NALF1: variants seen among roughly 807,000 people sequenced by gnomAD.
The protein encoded by NALF1 is family with sequence similarity 155 member A.
In NALF1, 3 loss-of-function variants were observed where a neutral mutation model predicts 48.4. The observed-to-expected ratio is 0.06, with a 90% CI of 0.03 to 0.16. The LOEUF (loss-of-function observed/expected upper bound fraction) is 0.16, where lower values mean the gene tolerates loss of function less well. Ranked by LOEUF, NALF1 falls within the 10% of genes least tolerant of loss-of-function variation. The pLI is 1.00. For missense variants in NALF1, 526 were observed against 571.5 expected, an observed-to-expected ratio of 0.92 and a Z score of 0.81; for synonymous variants, 262 against 245.7, an observed-to-expected ratio of 1.07 and a Z score of -0.62.
chr13:107,758,059 C>T (rs1001151371), intron 1 of NALF1, among the ~76,000 whole-genome samples: 1 of 152,126 alleles, frequency 6.6e-6, no homozygotes, highest in Non-Finnish European at 1.5e-5. Context: ...CTCTTCAACA[C>T]CACCCTTCAA....
In NALF1 at chr13:107,169,262, CATACACTGT is replaced by C. The variant is rs1412770551; in HGVS notation, c.*1226_*1234del. The C allele has an allele frequency of 2.6e-5, 4 of 152,188 alleles. No homozygotes were observed. Among genetic ancestry groups the C allele is most frequent in the African/African-American group, 7.2e-5 (3 of 41,432 alleles). 9.4% of individuals were successfully genotyped at this position (152,188 alleles called of 1,614,324 possible). A position where few individuals can be genotyped will look rare whatever the true frequency, so the allele number is the denominator to read the frequency against. ...GTTCCTCTGTGATAATGCAGAATTG[CATACACTGT>C]ATACCTGGAATAATTTTAAACCATA... On this transcript the variant is annotated 3_prime_UTR_variant, in exon 3 of 3. Coordinates refer to ENST00000375915, the MANE Select transcript of NALF1 (RefSeq NM_001080396.3).
At chr13:107,609,485 G>A (rs56680280) in intron 1 of NALF1, among the ~76,000 whole-genome samples, 6,320 of 152,134 alleles carry the variant, frequency 0.042, 344 homozygotes, top group East Asian at 0.26. Context: ...GCTCTCAAGG[G>A]GCTGCTTTTC....
At chr13:107,575,493 G>A (rs1878113858) in intron 1 of NALF1, among the ~76,000 whole-genome samples, 1 of 152,042 alleles carries the variant, frequency 6.6e-6, no homozygotes, top group Admixed American at 6.6e-5. Context: ...ACATCCTGAA[G>A]AGCAAAAATT....
rs1437239369 is a variant in NALF1, at chr13:107,169,462, A to G, written c.*1035T>C. 6.6e-6 allele frequency: 1 copy of G among 152,046 alleles called. No individual in the cohort carries two copies. The highest frequency in any genetic ancestry group is 2.4e-5 in the African/African-American group (1 of 41,392). The allele number at this position is 152,046 out of a possible 1,614,324, so 9.4% of individuals were successfully genotyped here. A position where few individuals can be genotyped will look rare whatever the true frequency, so the allele number is the denominator to read the frequency against. On this transcript the variant is annotated 3_prime_UTR_variant, in exon 3 of 3. Transcript: ENST00000375915. ...ATTACAATGGCCAAAATGTGCTCCT[A>G]TATTACTGCAACAGAACAAAAATCA...
chr13:107,259,155 T>G (rs7998403), intron 1 of NALF1, among the ~76,000 whole-genome samples: 13,794 of 152,204 alleles, frequency 0.091, 709 homozygotes, highest in Admixed American at 0.15. Context: ...GAGCTGCTCC[T>G]GGCCACGTGT....
At chr13:107,374,370 T>C (rs1022171341) in intron 1 of NALF1, among the ~76,000 whole-genome samples, 1 of 152,226 alleles carries the variant, frequency 6.6e-6, no homozygotes, top group African/African-American at 2.4e-5. Context: ...CAGTGGACCC[T>C]TTTTATTGGG....
intron 1 of NALF1, among the ~76,000 whole-genome samples, chr13:107,679,497 G>A (rs1165407719): frequency 6.6e-6 from 1 of 152,188 alleles, no homozygotes; most frequent in African/African-American, 2.4e-5. Context: ...TTTTATGCAG[G>A]AGAAAGCAGC....
chr13:107,556,144 T>A (rs1877466410), intron 1 of NALF1, among the ~76,000 whole-genome samples: 1 of 151,880 alleles, frequency 6.6e-6, no homozygotes, highest in Admixed American at 6.6e-5. Context: ...CCTGACCAAT[T>A]TTATACATAT....
chr13:107,776,025 C>A (rs2138574250), intron 1 of NALF1, among the ~76,000 whole-genome samples: 1 of 152,330 alleles, frequency 6.6e-6, no homozygotes, highest in Non-Finnish European at 1.5e-5. Flanking sequence ...GTCAACTGTA[C>A]AACTTGCTGG....
chr13:107,837,467 C>G (rs1325987856), intron 1 of NALF1, among the ~76,000 whole-genome samples: 2 of 152,044 alleles, frequency 1.3e-5, no homozygotes, highest in Admixed American at 1.3e-4. Context: ...TTCATACCAC[C>G]TCCCACTATC....
chr13:107,555,749 T>C (rs1044848158), intron 1 of NALF1, among the ~76,000 whole-genome samples: 9 of 152,078 alleles, frequency 5.9e-5, no homozygotes, highest in Non-Finnish European at 1.2e-4. Context: ...ATCATCTCTA[T>C]GTATAATGAA....
intron 1 of NALF1, among the ~76,000 whole-genome samples, chr13:107,309,549 T>C (rs1037733309): frequency 6.6e-6 from 1 of 152,052 alleles, no homozygotes. Context: ...GCATTATCCA[T>C]AAAAGAGGTC....
chr13:107,373,023 GATA>G (rs1279269313), intron 1 of NALF1, among the ~76,000 whole-genome samples: 2 of 152,116 alleles, frequency 1.3e-5, no homozygotes, highest in African/African-American at 4.8e-5. Context: ...AACTGGGGAT[GATA>G]ATAATACAGG....
At chr13:107,378,037 C>G (rs374435820) in intron 1 of NALF1, among the ~76,000 whole-genome samples, 1 of 152,146 alleles carries the variant, frequency 6.6e-6, no homozygotes, top group African/African-American at 2.4e-5. Context: ...CCATCTCATC[C>G]TACTTTCTGC....
At chr13:107,781,786 T>C (rs1323465595) in intron 1 of NALF1, among the ~76,000 whole-genome samples, 2 of 152,152 alleles carry the variant, frequency 1.3e-5, no homozygotes, top group Non-Finnish European at 2.9e-5. Flanking sequence ...GTTTATTTAA[T>C]TGCATGTTGC....
At chr13:107,560,673 G>GCACACTCACA (rs1053175380) in intron 1 of NALF1, among the ~76,000 whole-genome samples, 1 of 151,966 alleles carries the variant, frequency 6.6e-6, no homozygotes, top group Admixed American at 6.6e-5. Context: ...AAGCACACAT[G>GCACACTCACA]CACACTCACA....
At chr13:107,816,966 G>A (rs1879185796) in intron 1 of NALF1, among the ~76,000 whole-genome samples, 1 of 152,084 alleles carries the variant, frequency 6.6e-6, no homozygotes, top group East Asian at 1.9e-4. Flanking sequence ...TATACATATG[G>A]ATTTTGGAGA....
intron 1 of NALF1, among the ~76,000 whole-genome samples, chr13:107,554,194 C>T (rs1461156016): frequency 6.6e-6 from 1 of 152,160 alleles, no homozygotes; most frequent in African/African-American, 2.4e-5. Flanking sequence ...CGAGGCTGTG[C>T]CACAAGATGC....
Position 107,210,622 on chromosome 13 carries a change from T to C in NALF1, c.1049A>G (p.Glu350Gly). Reference protein sequence around the residue: ...RCPFILPDNDEVIYGGLSSFI... With the variant: ...RCPFILPDNDGVIYGGLSSFI... ...ACTGGAGAGGCCTCCGTAGATGACT[T>C]CATCATTGTCGGGCAATATAAATGG... The change falls in exon 2 of 3, where the codon GAA becomes GGA. Residue 350 changes from glutamate to glycine, a missense_variant. Physicochemically the swap from Glu to Gly is moderately conservative, Grantham distance 98. This residue lies in a region of NALF1 where 153 missense variants were observed against 215.9 expected (regional missense o/e 0.71). Coordinates refer to ENST00000375915, the MANE Select transcript of NALF1 (RefSeq NM_001080396.3). The C allele has an allele frequency of 6.2e-7, 1 of 1,613,626 alleles. No individual in the cohort carries two copies. The highest frequency in any genetic ancestry group is 8.5e-7 in the Non-Finnish European group (1 of 1,179,574).
Sources: allele counts gnomAD v4.1 joint callset (sites outside exome capture counted in the v4.1 genomes callset), GRCh38; gene constraint gnomAD v4.1.1; regional missense constraint gnomAD v4.1.1; transcripts MANE v1.5; gene names NCBI Gene and HGNC (gene_info 2026-07-23, HGNC 2026-07-21).